Variants in EXOC1 observed in about 807,000 individuals in gnomAD.
The protein encoded by EXOC1 is SEC3-like 1.
In EXOC1, 67 loss-of-function variants were observed where a neutral mutation model predicts 107.7. The observed-to-expected ratio is 0.62, with a 90% CI of 0.51 to 0.76. EXOC1 has a LOEUF of 0.76. Ranked by LOEUF, EXOC1 falls within the 30% of genes least tolerant of loss-of-function variation. The pLI, the probability that EXOC1 is intolerant of heterozygous loss-of-function variation, is 0.00. For missense variants in EXOC1, 833 were observed against 1,055.7 expected (o/e 0.79, Z 2.92); for synonymous variants, 348 against 353.5 (o/e 0.98, Z 0.17).
At chr4:55,868,544 A>C (rs754550230) in intron 5 of EXOC1, 21 bp downstream of exon 5, 19 of 1,606,034 alleles carry the variant, frequency 1.2e-5, no homozygotes, top group Non-Finnish European at 1.6e-5. Context: ...CCTGAATTCT[A>C]TGAATAAGTG....
chr4:55,900,887 C>CA (rs1378193462), intron 17 of EXOC1, among the ~76,000 whole-genome samples: 15 of 149,770 alleles, frequency 1.0e-4, no homozygotes, highest in Admixed American at 4.6e-4. Context: ...CAAAACAAAA[C>CA]AAAAAAAAAG....
chr4:55,896,094 T>G (rs762839507), intron 15 of EXOC1, among the ~76,000 whole-genome samples: 3 of 152,214 alleles, frequency 2.0e-5, no homozygotes, highest in African/African-American at 2.4e-5. Flanking sequence ...AAATGTGTGT[T>G]GACTGTTTTT....
chr4:55,857,545 G>A (rs956118530), intron 1 of EXOC1, among the ~76,000 whole-genome samples: 20 of 152,166 alleles, frequency 1.3e-4, no homozygotes, highest in African/African-American at 4.6e-4. Context: ...TCATTTGATG[G>A]ACATTTCTGT....
At chr4:55,892,178 GTTTA>G (rs1724634741) in intron 13 of EXOC1, among the ~76,000 whole-genome samples, 2 of 152,092 alleles carry the variant, frequency 1.3e-5, no homozygotes, top group Non-Finnish European at 2.9e-5. Flanking sequence ...TGGCAAATTT[GTTTA>G]TTTGTTGGCC....
intron 1 of EXOC1, among the ~76,000 whole-genome samples, chr4:55,855,829 A>T (rs916711255): frequency 6.6e-6 from 1 of 152,328 alleles, no homozygotes. Flanking sequence ...GAAATATAAC[A>T]TAGTGTCTGG....
chr4:55,865,467 C>T (rs1408769235), intron 4 of EXOC1, among the ~76,000 whole-genome samples: 1 of 152,204 alleles, frequency 6.6e-6, no homozygotes, highest in Non-Finnish European at 1.5e-5. Context: ...CTCACCAACA[C>T]TAGTCCCCAA....
rs112503859 is a variant in EXOC1, at chr4:55,855,723, G to A, written c.-11+1770G>A. Among the ~76,000 whole-genome samples, 5 of 152,286 alleles carry A rather than the reference G, an allele frequency of 3.3e-5. 1 individual carries two copies. Among genetic ancestry groups the A allele is most frequent in the African/African-American group, 1.2e-4 (5 of 41,564 alleles). On this transcript the variant is annotated intron_variant, in intron 1 of 18. Coordinates refer to ENST00000381295, the MANE Select transcript of EXOC1 (RefSeq NM_001024924.2). Reference sequence around the variant, plus strand: ...TTGAGGGATGAATTGTAATTTCCTAGGGAGAAGAGAATTCTAGGAAAAGAA... The same window carrying A: ...TTGAGGGATGAATTGTAATTTCCTAAGGAGAAGAGAATTCTAGGAAAAGAA...
chr4:55,890,144 TAGA>T, intron 11 of EXOC1, 76 bp from the exon 12 acceptor site: 1 of 1,393,808 alleles, frequency 7.2e-7, no homozygotes, highest in Non-Finnish European at 1.0e-6. Flanking sequence ...CAGTAGAAGA[TAGA>T]AGATCTATCC....
At chr4:55,870,988 G>A in intron 6 of EXOC1, 83 bp downstream of exon 6, 21 of 1,542,462 alleles carry the variant, frequency 1.4e-5, no homozygotes, top group Non-Finnish European at 1.8e-5. Flanking sequence ...TAATTTCCTT[G>A]TGAGAACAGG....
chr4:55,862,868 T>C (rs1407110902), intron 3 of EXOC1, among the ~76,000 whole-genome samples: 1 of 152,196 alleles, frequency 6.6e-6, no homozygotes. Flanking sequence ...TCCTTGGATG[T>C]GAAGTATACA....
At chr4:55,879,753 G>C (rs1723212885) in intron 9 of EXOC1, among the ~76,000 whole-genome samples, 1 of 152,122 alleles carries the variant, frequency 6.6e-6, no homozygotes, top group South Asian at 2.1e-4. Flanking sequence ...ATAGCTAATA[G>C]TATTCTAGAT....
At chr4:55,855,962 G>T (rs547297738) in intron 1 of EXOC1, among the ~76,000 whole-genome samples, 28 of 152,202 alleles carry the variant, frequency 1.8e-4, no homozygotes, top group Non-Finnish European at 3.7e-4. Context: ...GTATTTCATG[G>T]CTTTTATATC....
At chr4:55,891,206 G>C (rs1724504959) in intron 12 of EXOC1, 109 bp from the exon 13 acceptor site, 2 of 670,118 alleles carry the variant, frequency 3.0e-6, no homozygotes, top group African/African-American at 1.8e-5. Flanking sequence ...TCATAGATTA[G>C]TGAGATTATG....
At chr4:55,865,562 C>G (rs1469731752) in intron 4 of EXOC1, among the ~76,000 whole-genome samples, 1 of 152,132 alleles carries the variant, frequency 6.6e-6, no homozygotes, top group Admixed American at 6.5e-5. Flanking sequence ...GTTTAATTTG[C>G]TTCGAATGGC....
intron 15 of EXOC1, among the ~76,000 whole-genome samples, chr4:55,894,184 G>A (rs1004747361): frequency 3.3e-5 from 5 of 152,086 alleles, no homozygotes; most frequent in African/African-American, 9.7e-5. Flanking sequence ...AATTAGCCGG[G>A]CGTGGTAGCA....
intron 8 of EXOC1, chr4:55,877,269 A>T: frequency 1.0e-6 from 1 of 985,406 alleles, no homozygotes; most frequent in Non-Finnish European, 1.2e-6. Context: ...TACAGTTTTC[A>T]CAAAATGCTG....
At chr4:55,876,197 A>G (rs1722881539) in intron 8 of EXOC1, 3 of 985,264 alleles carry the variant, frequency 3.0e-6, no homozygotes, top group Non-Finnish European at 3.6e-6. Context: ...CAGGCATTCT[A>G]AAAATACAGA....
At chr4:55,899,973 A>G in intron 17 of EXOC1, 89 bp downstream of exon 17, 1 of 1,171,488 alleles carries the variant, frequency 8.5e-7, no homozygotes, top group Non-Finnish European at 1.2e-6. Context: ...TTTATCTTAA[A>G]TTTTCTCATG....
chr4:55,858,157 C>T (rs1026413271), intron 1 of EXOC1, among the ~76,000 whole-genome samples, 157 bp from the exon 2 acceptor site: 3 of 152,116 alleles, frequency 2.0e-5, no homozygotes, highest in Admixed American at 6.5e-5. Flanking sequence ...TATTTCCAAA[C>T]TTACAGCTTT....
Sources: gnomAD v4.1 joint callset for allele counts (sites outside exome capture counted in the v4.1 genomes callset) on GRCh38, gnomAD v4.1.1 for gene constraint, MANE v1.5 for transcripts, NCBI Gene and HGNC (gene_info 2026-07-23, HGNC 2026-07-21) for gene names.